DENND1B: variants seen among roughly 807,000 people sequenced by gnomAD.
DENND1B encodes the protein DENN domain-containing protein 1B.
Under a neutral mutation model 90.1 loss-of-function variants are expected in DENND1B, and 59 were observed. The ratio of observed to expected loss-of-function variants is 0.65; its 90% CI spans 0.53 to 0.81. The LOEUF (loss-of-function observed/expected upper bound fraction) is 0.81. Ranked by LOEUF, DENND1B falls within the 40% of genes least tolerant of loss-of-function variation. The probability of loss-of-function intolerance (pLI) is 0.00; values close to 1 mark genes in which losing one functional copy is unlikely to be tolerated. For synonymous variants in DENND1B, 337 were observed against 324.6 expected (o/e 1.04, Z -0.41); for missense variants, 862 against 912.6 (o/e 0.94, Z 0.71).
chr1:197,732,595 A>C (rs1024590235), intron 2 of DENND1B, among the ~76,000 whole-genome samples: 5 of 152,230 alleles, frequency 3.3e-5, no homozygotes, highest in Admixed American at 6.5e-5. Context: ...AATACAATAT[A>C]AGCTGCTGCT....
chr1:197,552,143 C>A, intron 16 of DENND1B: 1 of 831,636 alleles, frequency 1.2e-6, no homozygotes, highest in Non-Finnish European at 1.4e-6. Flanking sequence ...TTTCTGAATT[C>A]CAGCATCTAT....
At chr1:197,726,218 C>T (rs1661619159) in intron 2 of DENND1B, among the ~76,000 whole-genome samples, 1 of 151,990 alleles carries the variant, frequency 6.6e-6, no homozygotes, top group African/African-American at 2.4e-5. Context: ...GTTTTATGAA[C>T]CTGACGTGGA....
chr1:197,512,990 G>C (rs1425836120), intron 20 of DENND1B, 37 bp from the exon 21 acceptor site: 3 of 1,553,330 alleles, frequency 1.9e-6, no homozygotes, highest in Non-Finnish European at 2.6e-6. Flanking sequence ...GGCATTAGCA[G>C]TTTAAAATAA....
intron 7 of DENND1B, among the ~76,000 whole-genome samples, chr1:197,651,615 T>C (rs1653183918): frequency 1.3e-5 from 2 of 151,386 alleles, no homozygotes; most frequent in Admixed American, 6.6e-5. Context: ...TCCTTTATTA[T>C]GCACGGATTT....
At chr1:197,755,012 T>C (rs1398558092) in intron 2 of DENND1B, among the ~76,000 whole-genome samples, 6 of 152,166 alleles carry the variant, frequency 3.9e-5, no homozygotes, top group Non-Finnish European at 7.3e-5. Context: ...CAGACACACA[T>C]ACTGACAGTA....
chr1:197,715,114 G>C, intron 2 of DENND1B, 40 bp from the exon 3 acceptor site: 1 of 1,554,596 alleles, frequency 6.4e-7, no homozygotes, highest in Non-Finnish European at 8.8e-7. Context: ...AGCAGCAAAA[G>C]AACACATTTA....
intron 7 of DENND1B, among the ~76,000 whole-genome samples, chr1:197,651,639 A>G (rs1220443077): frequency 6.9e-6 from 1 of 144,096 alleles, no homozygotes; most frequent in Non-Finnish European, 1.5e-5. Context: ...CTGAAAATCA[A>G]TGCTTCTTTT....
At chr1:197,511,001 G>T in intron 22 of DENND1B, 29 bp from the exon 23 acceptor site, 2 of 1,469,822 alleles carry the variant, frequency 1.4e-6, no homozygotes, top group Non-Finnish European at 1.8e-6. Flanking sequence ...AACAAACTCA[G>T]AAAACTTTTA....
Position 197,709,786 on chromosome 1 carries a change from G to C in DENND1B, c.126+5245C>G, listed in dbSNP as rs1337547985. Among the ~76,000 whole-genome samples, 568 of 137,890 alleles carry C rather than the reference G, an allele frequency of 4.1e-3. 31 individuals carry two copies. Among genetic ancestry groups the C allele is most frequent in the African/African-American group, 0.016 (543 of 33,884 alleles). 90.5% of individuals were successfully genotyped at this position (137,890 alleles called of 152,430 possible). On this transcript the variant is annotated intron_variant, in intron 3 of 22. Transcript: ENST00000620048. Reference sequence around the variant, plus strand: ...GCAATTAAAAGACACAGACTGGCAAGTTGGATAAAGAGTCAACACCCATCA... The same window carrying C: ...GCAATTAAAAGACACAGACTGGCAACTTGGATAAAGAGTCAACACCCATCA...
intron 15 of DENND1B, among the ~76,000 whole-genome samples, chr1:197,557,013 CAGTTTT>C (rs71745979): frequency 0.16 from 23,713 of 151,792 alleles, 2,094 homozygotes; most frequent in Non-Finnish European, 0.19. Context: ...TACTTCTACC[CAGTTTT>C]AAAGGCAAAT....
intron 15 of DENND1B, among the ~76,000 whole-genome samples, chr1:197,553,435 A>T (rs1476134529): frequency 6.6e-6 from 1 of 152,150 alleles, no homozygotes; most frequent in Non-Finnish European, 1.5e-5. Flanking sequence ...TCAATGCACA[A>T]TCTCTACAGA....
intron 2 of DENND1B, among the ~76,000 whole-genome samples, chr1:197,771,178 C>G (rs543969526): frequency 4.1e-4 from 62 of 152,152 alleles, no homozygotes; most frequent in African/African-American, 1.4e-3. Flanking sequence ...TCCAAAAGTG[C>G]TGGGATTATA....
chr1:197,650,321 C>T (rs564814268), intron 7 of DENND1B, among the ~76,000 whole-genome samples: 1 of 152,300 alleles, frequency 6.6e-6, no homozygotes, highest in South Asian at 2.1e-4. Flanking sequence ...ATCTACTAAA[C>T]AAATATTAAA....
intron 20 of DENND1B, among the ~76,000 whole-genome samples, chr1:197,516,293 T>G (rs1478126174): frequency 6.6e-6 from 1 of 151,832 alleles, no homozygotes; most frequent in Admixed American, 6.6e-5. Flanking sequence ...TTCTAATTAA[T>G]AGTCATTGAA....
chr1:197,611,721 G>A (rs754072674), intron 12 of DENND1B, among the ~76,000 whole-genome samples: 27 of 150,602 alleles, frequency 1.8e-4, no homozygotes, highest in Admixed American at 8.6e-4. Context: ...CTATTTTTAT[G>A]GATTTCATGC....
intron 5 of DENND1B, 45 bp downstream of exon 5, chr1:197,671,992 T>G (rs749514164): frequency 3.1e-6 from 5 of 1,588,584 alleles, no homozygotes; most frequent in Non-Finnish European, 3.4e-6. Context: ...AATAGAGAGA[T>G]AGTTACCTAT....
Position 197,525,031 on chromosome 1 carries a change from T to A in DENND1B, c.1516-12078A>T, listed in dbSNP as rs188048861. On this transcript the variant is annotated intron_variant, in intron 20 of 22. Coordinates refer to ENST00000620048, the MANE Select transcript of DENND1B (RefSeq NM_001195215.2). ...AATCAGAAACTACATAAAAACCCAT[T>A]CAATGGCAGCACTCTATCAGGGATT... Among the ~76,000 whole-genome samples the A allele has an allele frequency of 8.5e-5, 13 of 152,190 alleles. No homozygotes were observed. In the South Asian group the frequency reaches 1.0e-3, roughly 12 times the overall value.
At chr1:197,655,828 G>A (rs1250942692) in intron 6 of DENND1B, among the ~76,000 whole-genome samples, 12 of 152,046 alleles carry the variant, frequency 7.9e-5, no homozygotes, top group South Asian at 2.1e-4. Flanking sequence ...CACCGCGCCC[G>A]GCCCATTAAC....
chr1:197,564,352 A>G (rs1672428470), intron 15 of DENND1B, among the ~76,000 whole-genome samples: 1 of 135,286 alleles, frequency 7.4e-6, no homozygotes. Context: ...CACCTCCCTA[A>G]TCTGTCAGCA....
Sources: allele counts gnomAD v4.1 joint callset (sites outside exome capture counted in the v4.1 genomes callset), GRCh38; gene constraint gnomAD v4.1.1; transcripts MANE v1.5; gene names NCBI Gene and HGNC (gene_info 2026-07-23, HGNC 2026-07-21).